The following ARHGAP10 variants were observed in gnomAD, a reference collection of about 807,000 sequenced individuals.
ARHGAP10 encodes the protein Rho GTPase activating protein 10.
A neutral mutation model predicts 108.6 loss-of-function variants in ARHGAP10; 87 were observed. The observed-to-expected ratio is 0.80, with a 90% CI of 0.67 to 0.96. ARHGAP10 has a LOEUF of 0.96. Among genes scored for constraint, ARHGAP10 ranks in the 40% least tolerant of loss-of-function variants. The probability of loss-of-function intolerance (pLI) is 0.00; values close to 1 mark genes in which losing one functional copy is unlikely to be tolerated. For synonymous variants in ARHGAP10, 347 were observed against 341.1 expected (o/e 1.02, Z -0.19); for missense variants, 939 against 954.5 (o/e 0.98, Z 0.21).
chr4:147,871,895 G>A (rs570257002), intron 7 of ARHGAP10, among the ~76,000 whole-genome samples: 43 of 152,212 alleles, frequency 2.8e-4, no homozygotes, highest in South Asian at 8.3e-4. Context: ...GAGCCCCAGA[G>A]TTCAGGACCA....
intron 1 of ARHGAP10, among the ~76,000 whole-genome samples, chr4:147,770,358 C>G (rs1031612133): frequency 5.3e-5 from 8 of 151,474 alleles, no homozygotes; most frequent in Admixed American, 4.6e-4. Context: ...AACCCTGTCT[C>G]TACTAAAAAT....
Position 148,043,752 on chromosome 4 carries a change from ATGTATATATATG to A in ARHGAP10, c.1868-3126_1868-3115del, listed in dbSNP as rs772766838. Among the ~76,000 whole-genome samples the A allele has an allele frequency of 9.0e-3, 1,290 of 142,636 alleles. 17 individuals are homozygous for A. Among genetic ancestry groups the A allele is most frequent in the Middle Eastern group, 0.025 (7 of 278 alleles). 93.6% of individuals were successfully genotyped at this position (142,636 alleles called of 152,430 possible). A position where few individuals can be genotyped will look rare whatever the true frequency, so the allele number is the denominator to read the frequency against. ...TATATATGTGTATATATATGTATATATGTATATATATGTGTATATATATGTATATATATATGT... is the reference window on the plus strand; with the variant it reads ...TATATATGTGTATATATATGTATATATGTATATATATGTATATATATATGT... On this transcript the variant is annotated intron_variant, in intron 19 of 22. Coordinates refer to ENST00000336498, the MANE Select transcript of ARHGAP10 (RefSeq NM_024605.4).
intron 18 of ARHGAP10, among the ~76,000 whole-genome samples, chr4:147,987,405 G>C (rs961720860): frequency 6.6e-6 from 1 of 152,088 alleles, no homozygotes; most frequent in Non-Finnish European, 1.5e-5. Context: ...GACTCTGAAC[G>C]CATAGCCACT....
At chr4:147,823,878 T>G (rs894625221) in intron 3 of ARHGAP10, among the ~76,000 whole-genome samples, 2 of 152,166 alleles carry the variant, frequency 1.3e-5, no homozygotes, top group Non-Finnish European at 2.9e-5. Context: ...AACTGTAAAT[T>G]TTGGGGTTAT....
chr4:148,037,125 T>C (rs749913855), intron 19 of ARHGAP10, among the ~76,000 whole-genome samples: 77 of 152,166 alleles, frequency 5.1e-4, no homozygotes, highest in African/African-American at 8.2e-4. Context: ...TAATAATTAT[T>C]GGAGTACTAG....
intron 18 of ARHGAP10, among the ~76,000 whole-genome samples, chr4:148,004,643 C>T (rs752016008): frequency 6.6e-6 from 1 of 152,182 alleles, no homozygotes; most frequent in Non-Finnish European, 1.5e-5. Context: ...CAGCCGCCAG[C>T]CCATAGTCAG....
chr4:148,006,262 C>G (rs1481389871), intron 18 of ARHGAP10, among the ~76,000 whole-genome samples: 1 of 152,232 alleles, frequency 6.6e-6, no homozygotes, highest in South Asian at 2.1e-4. Context: ...CCTGCCCTAG[C>G]TGTTCCAGCT....
chr4:147,890,602 G>A (rs138660041), intron 10 of ARHGAP10, among the ~76,000 whole-genome samples: 1,583 of 152,276 alleles, frequency 0.01, 23 homozygotes, highest in African/African-American at 0.034. Flanking sequence ...CGAGGTGGGC[G>A]GATCACCTGA....
intron 21 of ARHGAP10, 135 bp from the exon 22 acceptor site, chr4:148,064,281 A>G (rs1219274589): frequency 7.8e-6 from 5 of 637,526 alleles, no homozygotes; most frequent in Non-Finnish European, 1.1e-5. Flanking sequence ...GTTCACTTCC[A>G]CGTTAATTTC....
At chr4:147,951,356 C>T (rs1385310420) in intron 15 of ARHGAP10, among the ~76,000 whole-genome samples, 2 of 149,786 alleles carry the variant, frequency 1.3e-5, no homozygotes, top group Admixed American at 6.6e-5. Flanking sequence ...TAAAGACTTA[C>T]TTCTGATTGG....
At chr4:148,023,788 A>G (rs1741663199) in intron 19 of ARHGAP10, among the ~76,000 whole-genome samples, 1 of 152,230 alleles carries the variant, frequency 6.6e-6, no homozygotes, top group Admixed American at 6.5e-5. Context: ...ATCTAGATTA[A>G]AGGCACAGTT....
rs1007096193 is a variant in ARHGAP10, at chr4:147,929,379, A to T, written c.1229-10446A>T. Among the ~76,000 whole-genome samples, 48 of 152,308 alleles carry T rather than the reference A, an allele frequency of 3.2e-4. 1 individual carries two copies. The highest frequency in any genetic ancestry group is 1.1e-3 in the African/African-American group (46 of 41,572). On this transcript the variant is annotated intron_variant, in intron 13 of 22. Transcript: ENST00000336498. ...ATCATTCTTCTGTCTGCTTATATTT[A>T]AAACCATTTTAATATAAATACACAT...
chr4:147,847,644 C>G (rs1733690209), intron 4 of ARHGAP10, among the ~76,000 whole-genome samples: 1 of 152,186 alleles, frequency 6.6e-6, no homozygotes, highest in African/African-American at 2.4e-5. Flanking sequence ...TATTAAGTTA[C>G]TGGGATGTAA....
At chr4:147,807,813 A>G (rs1472501534) in intron 1 of ARHGAP10, among the ~76,000 whole-genome samples, 1 of 152,254 alleles carries the variant, frequency 6.6e-6, no homozygotes, top group African/African-American at 2.4e-5. Flanking sequence ...CTTGGTGACT[A>G]GAGGATGCTA....
chr4:147,810,383 G>A (rs1731972234), intron 1 of ARHGAP10, among the ~76,000 whole-genome samples: 2 of 152,232 alleles, frequency 1.3e-5, no homozygotes, highest in Non-Finnish European at 2.9e-5. Context: ...ATTATCATTG[G>A]CCCTTAGCTC....
At chr4:148,035,117 A>C (rs1421188212) in intron 19 of ARHGAP10, among the ~76,000 whole-genome samples, 6 of 152,106 alleles carry the variant, frequency 3.9e-5, no homozygotes, top group Admixed American at 3.9e-4. Context: ...TAACTTTATA[A>C]TGGGGTCTTT....
Position 148,043,746 on chromosome 4 carries a change from G to GTATATATATATGTATATATATGTGTA in ARHGAP10, c.1868-3139_1868-3138insATATGTATATATATGTGTATATATAT, listed in dbSNP as rs34694852. Among the ~76,000 whole-genome samples the GTATATATATATGTATATATATGTGTA allele has an allele frequency of 1.6e-3, 224 of 137,800 alleles. 2 individuals are homozygous for GTATATATATATGTATATATATGTGTA. Among genetic ancestry groups the GTATATATATATGTATATATATGTGTA allele is most frequent in the African/African-American group, 5.2e-3 (194 of 37,210 alleles). The allele number at this position is 137,800 out of a possible 152,430, so 90.4% of individuals were successfully genotyped here. On this transcript the variant is annotated intron_variant, in intron 19 of 22. Transcript: ENST00000336498. ...TTCATATATATATGTGTATATATAT[G>GTATATATATATGTATATATATGTGTA]TATATATGTATATATATGTGTATAT...
chr4:148,031,396 G>A (rs1482962206), intron 19 of ARHGAP10, among the ~76,000 whole-genome samples: 1 of 152,130 alleles, frequency 6.6e-6, no homozygotes, highest in Non-Finnish European at 1.5e-5. Context: ...AATCCTATAG[G>A]TAGTATTATT....
At chr4:147,882,016 AT>A in intron 10 of ARHGAP10, 84 bp downstream of exon 10, 1 of 1,236,272 alleles carries the variant, frequency 8.1e-7, no homozygotes, top group African/African-American at 1.5e-5. Context: ...TGCAACTGTG[AT>A]TTCTGTGGCC....
Sources: allele counts gnomAD v4.1 joint callset (sites outside exome capture counted in the v4.1 genomes callset), GRCh38; gene constraint gnomAD v4.1.1; transcripts MANE v1.5; gene names NCBI Gene and HGNC (gene_info 2026-07-23, HGNC 2026-07-21).